The following OTOG variants were observed in gnomAD, a reference collection of about 807,000 sequenced individuals.
OTOG encodes otogelin.
In OTOG, 296 loss-of-function variants were observed where a neutral mutation model predicts 313.8. That is an observed-to-expected ratio of 0.94 (90% CI 0.86 to 1.04). OTOG has a LOEUF of 1.04. OTOG is among the 50% of genes least tolerant of loss of function. The pLI is 0.00. For synonymous variants in OTOG, 1,533 were observed against 1,554.9 expected, an observed-to-expected ratio of 0.99 and a Z score of 0.33; for missense variants, 3,948 against 3,840.1, an observed-to-expected ratio of 1.03 and a Z score of -0.74.
At chr11:17,586,450 C>A (rs999890038) in intron 23 of OTOG, 24 bp from the exon 24 acceptor site, 4 of 1,329,034 alleles carry the variant, frequency 3.0e-6, no homozygotes, top group East Asian at 6.1e-5. Flanking sequence ...CTCTCCTGAC[C>A]GCCTGCTTGC....
At chr11:17,615,245 A>C (rs192646299) in intron 39 of OTOG, among the ~76,000 whole-genome samples, 1 of 152,300 alleles carries the variant, frequency 6.6e-6, no homozygotes, top group East Asian at 1.9e-4. Flanking sequence ...TTTCCTGTGT[A>C]TTTTGGACAC....
chr11:17,617,990 G>A (rs571320147), intron 39 of OTOG, among the ~76,000 whole-genome samples: 2 of 151,428 alleles, frequency 1.3e-5, no homozygotes, highest in Non-Finnish European at 2.9e-5. Flanking sequence ...TCGGCTCACT[G>A]CAAGCTCTGC....
chr11:17,547,952 T>G lies in OTOG; in HGVS notation c.120T>G (p.Ser40Arg). Reference sequence around the variant, plus strand: ...CCGCAGCACCCGTTCTGTGGGGCAGTGCAGAGCCACAGCCAGAGCCAGCCG... The same window carrying G: ...CCGCAGCACCCGTTCTGTGGGGCAGGGCAGAGCCACAGCCAGAGCCAGCCG... ...RLAAAPVLWG[S>R]AEPQPEPAGQ... Residue 40 changes from serine to arginine, a missense_variant, in exon 2 of 56, where the codon AGT (serine) becomes AGG (arginine). Physicochemically the swap from Ser to Arg is moderately radical, Grantham distance 110. Coordinates refer to ENST00000399397, the MANE Select transcript of OTOG (RefSeq NM_001292063.2). The G allele has an allele frequency of 7.7e-6, 4 of 522,484 alleles. No homozygotes were observed. The highest frequency in any genetic ancestry group is 1.3e-5 in the Non-Finnish European group (4 of 300,986). 32.4% of individuals were successfully genotyped at this position (522,484 alleles called of 1,614,324 possible). A position where few individuals can be genotyped will look rare whatever the true frequency, so the allele number is the denominator to read the frequency against.
chr11:17,629,651 C>T (rs1854068317), intron 40 of OTOG, among the ~76,000 whole-genome samples: 1 of 152,156 alleles, frequency 6.6e-6, no homozygotes, highest in African/African-American at 2.4e-5. Flanking sequence ...TCACTTATTC[C>T]TGGTCATCCA....
intron 32 of OTOG, among the ~76,000 whole-genome samples, chr11:17,603,229 G>A (rs537930267): frequency 3.7e-4 from 56 of 152,246 alleles, no homozygotes; most frequent in African/African-American, 1.3e-3. Flanking sequence ...GCCTGGGAGT[G>A]AGGAGTCAGG....
intron 25 of OTOG, 143 bp from the exon 26 acceptor site, chr11:17,593,050 T>A: frequency 1.2e-6 from 1 of 806,574 alleles, no homozygotes; most frequent in Non-Finnish European, 1.9e-6. Flanking sequence ...AGAACAGAAG[T>A]CGCCCAAAGT....
intron 27 of OTOG, 133 bp downstream of exon 27, chr11:17,593,889 G>A (rs1853021282): frequency 7.1e-7 from 1 of 1,403,112 alleles, no homozygotes; most frequent in South Asian, 1.4e-5. Flanking sequence ...CCTGCTCTGG[G>A]CCCCTTCTCC....
chr11:17,591,939 G>A (rs1306340921), intron 25 of OTOG, among the ~76,000 whole-genome samples: 3 of 152,242 alleles, frequency 2.0e-5, no homozygotes, highest in East Asian at 1.9e-4. Context: ...TATCACAGCA[G>A]CTTTACAAGG....
At chr11:17,640,854 A>T in intron 50 of OTOG, 34 bp downstream of exon 50, 1 of 1,549,962 alleles carries the variant, frequency 6.5e-7, no homozygotes, top group Non-Finnish European at 8.7e-7. Flanking sequence ...AGAGCCATGC[A>T]GGAGGGGCAT....
Position 17,610,941 on chromosome 11 carries a change from A to G in OTOG, c.5641A>G (p.Thr1881Ala). The G allele has an allele frequency of 6.4e-7, 1 of 1,550,448 alleles. No homozygotes were observed. Among genetic ancestry groups the G allele is most frequent in the Non-Finnish European group, 8.7e-7 (1 of 1,146,948 alleles). Reference protein sequence around the residue: ...GTAPGLLLGATLPTSGVLPVA... With the variant: ...GTAPGLLLGAALPTSGVLPVA... Reference sequence around the variant, plus strand: ...AGCTCCAGGCCTGCTGCTGGGAGCCACATTGCCAACCTCTGGAGTCCTGCC... The same window carrying G: ...AGCTCCAGGCCTGCTGCTGGGAGCCGCATTGCCAACCTCTGGAGTCCTGCC... The change falls in exon 36 of 56, where the codon ACA (threonine) becomes GCA (alanine). Residue 1881 changes from threonine (T) to alanine (A), a missense_variant. Thr to Ala is a moderately conservative substitution (Grantham distance 58). Coordinates refer to ENST00000399397, the MANE Select transcript of OTOG (RefSeq NM_001292063.2).
rs180703235 is a variant in OTOG, at chr11:17,641,069, T to C, written c.8168T>C (p.Leu2723Pro). Reference sequence around the variant, plus strand: ...TACCAGATCAACACCACCTCCGTGCTCTGTGACATCCACTGTGAGGCGGTA... The same window carrying C: ...TACCAGATCAACACCACCTCCGTGCCCTGTGACATCCACTGTGAGGCGGTA... ...NFYQINTTSV[L>P]CDIHCEANQE... The change falls in exon 51 of 56, where the codon CTC becomes CCC. Residue 2723 changes from leucine to proline, a missense_variant. Coordinates refer to ENST00000399397, the MANE Select transcript of OTOG (RefSeq NM_001292063.2). 1.2e-3 allele frequency: 1,798 copies of C among 1,506,664 alleles called. 21 individuals are homozygous for C. The African/African-American group carries it at 0.022, about 19-fold the overall frequency. The allele number at this position is 1,506,664 out of a possible 1,614,324, so 93.3% of individuals were successfully genotyped here. A position where few individuals can be genotyped will look rare whatever the true frequency, so the allele number is the denominator to read the frequency against.
Position 17,596,053 on chromosome 11 carries a change from G to C in OTOG, c.3424G>C (p.Asp1142His), listed in dbSNP as rs1013694969. 6.4e-7 allele frequency: 1 copy of C among 1,550,640 alleles called. No individual in the cohort carries two copies. Among genetic ancestry groups the C allele is most frequent in the African/African-American group, 1.4e-5 (1 of 73,046 alleles). ...TGCCCCTCAGTGCCCAGACACCCTC[G>C]ATCCTCGGGATATGTGTGTCCTGAA... Reference protein sequence around the residue: ...WAAVECPDTLDPRDMCVLNPL... With the variant: ...WAAVECPDTLHPRDMCVLNPL... Residue 1142 changes from aspartate to histidine, a missense_variant, in exon 29 of 56, where the codon GAT becomes CAT. By Grantham distance (81) the Asp-to-His change is moderately conservative (BLOSUM62 -1). Transcript: ENST00000399397.
chr11:17,553,575 G>C, intron 6 of OTOG, 56 bp downstream of exon 6: 1 of 1,360,480 alleles, frequency 7.4e-7, no homozygotes, highest in Non-Finnish European at 9.5e-7. Context: ...CCTGGAGGCT[G>C]CACTGGCCTG....
rs563631499 is a variant in OTOG at position 17,634,250 on chromosome 11, C to G, written c.7449C>G (p.Thr2483=). 1 of 1,550,430 alleles carries G rather than the reference C, an allele frequency of 6.4e-7. No individual in the cohort carries two copies. Among genetic ancestry groups the G allele is most frequent in the Non-Finnish European group, 8.7e-7 (1 of 1,146,954 alleles). Residue 2483 remains threonine (T), a synonymous_variant, in exon 44 of 56, where the codon ACC becomes ACG. Coordinates refer to ENST00000399397, the MANE Select transcript of OTOG (RefSeq NM_001292063.2). ...GGGAGGTGGCCTTGCTCCTACCCAC[C>G]AAGGACCCCTGCTGCCTGGGGACTG... ...RFGEVALLLP[T]KDPCCLGTVC... is the part of the protein sequence containing the mutation.
intron 47 of OTOG, among the ~76,000 whole-genome samples, chr11:17,637,070 G>T (rs952645797): frequency 6.6e-6 from 1 of 152,082 alleles, no homozygotes; most frequent in African/African-American, 2.4e-5. Context: ...TAGAAAGTAC[G>T]AATTCCAAGT....
At chr11:17,608,593 T>TG (rs1853447981) in intron 34 of OTOG, among the ~76,000 whole-genome samples, 180 bp downstream of exon 34, 1 of 152,244 alleles carries the variant, frequency 6.6e-6, no homozygotes. Context: ...TATTTGTGCA[T>TG]GATGTGCATG....
At chr11:17,571,550 C>A (rs1200444555) in intron 17 of OTOG, among the ~76,000 whole-genome samples, 1 of 152,142 alleles carries the variant, frequency 6.6e-6, no homozygotes, top group Non-Finnish European at 1.5e-5. Context: ...AAAGGGCGAG[C>A]CAAGGAGTTT....
intron 39 of OTOG, among the ~76,000 whole-genome samples, chr11:17,621,257 A>G (rs1289037669): frequency 6.6e-6 from 1 of 152,180 alleles, no homozygotes; most frequent in Non-Finnish European, 1.5e-5. Context: ...CTACTTGGAA[A>G]CAGTTTGATC....
chr11:17,627,097 A>C (rs7112338), intron 39 of OTOG, among the ~76,000 whole-genome samples: 1 of 151,960 alleles, frequency 6.6e-6, no homozygotes, highest in Non-Finnish European at 1.5e-5. Flanking sequence ...TTCCAATTTC[A>C]ATGCCCTTCA....
Sources: allele counts gnomAD v4.1 joint callset (sites outside exome capture counted in the v4.1 genomes callset), GRCh38; gene constraint gnomAD v4.1.1; transcripts MANE v1.5; gene names NCBI Gene and HGNC (gene_info 2026-07-23, HGNC 2026-07-21).